The following TXNDC11 variants were observed in gnomAD, a reference collection of about 807,000 sequenced individuals.
TXNDC11 encodes thioredoxin domain containing 11.
Under a neutral mutation model 78.0 loss-of-function variants are expected in TXNDC11, and 68 were observed. The ratio of observed to expected loss-of-function variants is 0.87; its 90% confidence interval spans 0.72 to 1.07. The LOEUF is 1.07. Among genes scored for constraint, TXNDC11 ranks in the 50% least tolerant of loss-of-function variants. The pLI, the probability that TXNDC11 is intolerant of heterozygous loss-of-function variation, is 0.00. For synonymous variants in TXNDC11, 571 were observed against 495.2 expected, an observed-to-expected ratio of 1.15 and a Z score of -2.03; for missense variants, 1,389 against 1,221.8, an observed-to-expected ratio of 1.14 and a Z score of -2.04.
At chr16:11,713,398 G>T (rs1051327584) in intron 5 of TXNDC11, among the ~76,000 whole-genome samples, 8 of 152,088 alleles carry the variant, frequency 5.3e-5, no homozygotes, top group African/African-American at 1.9e-4. Flanking sequence ...TTTAGGTGTG[G>T]GGACATAAAG....
intron 1 of TXNDC11, among the ~76,000 whole-genome samples, chr16:11,737,485 AAAG>A (rs1416317509): frequency 1.3e-5 from 2 of 152,074 alleles, no homozygotes; most frequent in East Asian, 1.9e-4. Context: ...AGGAACAAGA[AAAG>A]AACAAAAGCC....
Position 11,679,694 on chromosome 16 carries a change from G to A in TXNDC11, c.2378C>T (p.Ala793Val), listed in dbSNP as rs748347024. 1.1e-5 allele frequency: 18 copies of A among 1,614,090 alleles called. No homozygotes were observed. Among genetic ancestry groups the A allele is most frequent in the East Asian group, 2.2e-5 (1 of 44,892 alleles). Residue 793 changes from alanine (A) to valine (V), a missense_variant, in exon 12 of 12, where the codon GCA (alanine) becomes GTA (valine). Ala to Val is a moderately conservative substitution (Grantham distance 64, BLOSUM62 0). Coordinates refer to ENST00000283033, the MANE Select transcript of TXNDC11 (RefSeq NM_015914.7). This position sits in a 1 kb window ranked among gnomAD's most constrained non-coding sequence, Gnocchi z 4.6. ...SPTKECLQSE[A>V]VLQRGHISHL... ...GGAGATGTGCCCCCGCTGTAAGACT[G>A]CCTCGCTCTGAAGACACTCCTTGGT...
In TXNDC11 at chr16:11,734,012, TAAAAG is replaced by T. The variant is rs762611107; in HGVS notation, c.534_538del (p.Phe178LeufsTer27). On this transcript the variant is annotated frameshift_variant, in exon 3 of 12. Coordinates refer to ENST00000283033, the MANE Select transcript of TXNDC11 (RefSeq NM_015914.7). LOFTEE classifies it high-confidence loss of function. Reference sequence around the variant, plus strand: ...ATGATACAGATATATTACAGGAAAATAAAAGAAGTGTTTCTGTTTTCTGCATTTCC... The same window carrying T: ...ATGATACAGATATATTACAGGAAAATAAGTGTTTCTGTTTTCTGCATTTCC... 1.9e-6 allele frequency: 3 copies of T among 1,607,214 alleles called. No individual in the cohort carries two copies. The highest frequency in any genetic ancestry group is 8.5e-7 in the Non-Finnish European group (1 of 1,178,550).
intron 4 of TXNDC11, among the ~76,000 whole-genome samples, chr16:11,726,139 A>C (rs1374458153): frequency 6.6e-6 from 1 of 152,096 alleles, no homozygotes; most frequent in African/African-American, 2.4e-5. Context: ...TTGGCCTCCC[A>C]AGTGCTGGGG....
At chr16:11,709,601 AT>A (rs1328780693) in intron 5 of TXNDC11, among the ~76,000 whole-genome samples, 1 of 150,858 alleles carries the variant, frequency 6.6e-6, no homozygotes, top group Non-Finnish European at 1.5e-5. Flanking sequence ...TGCCCGGCTA[AT>A]TTTTTTGTAT....
chr16:11,739,011 G>A (rs1312949839), intron 1 of TXNDC11, among the ~76,000 whole-genome samples: 4 of 151,426 alleles, frequency 2.6e-5, no homozygotes, highest in African/African-American at 9.7e-5. Context: ...TGGGAAAAAA[G>A]AGCAAAACTC....
intron 1 of TXNDC11, chr16:11,742,162 C>A (rs1488024991): frequency 2.3e-5 from 8 of 348,790 alleles, no homozygotes; most frequent in Non-Finnish European, 3.6e-5. Flanking sequence ...GGTCCTACAG[C>A]CCGGGCCGAA....
Position 11,691,391 on chromosome 16 carries a change from G to C in TXNDC11, c.1799C>G (p.Pro600Arg), listed in dbSNP as rs758746492. ...AAATTCTTTCACCTGAGTGGAGCTC[G>C]GAGCACCCAGTCTCTCTGCATATAA... ...FWLYAERLGA[P>R]SSTQVKEFAA... is the part of the protein sequence containing the mutation. Residue 600 changes from proline to arginine, a missense_variant, in exon 8 of 12, where the codon CCG becomes CGG. Physicochemically the swap from Pro to Arg is moderately radical, Grantham distance 103. Transcript: ENST00000283033. The C allele has an allele frequency of 6.2e-7, 1 of 1,614,112 alleles. No homozygotes were observed. The highest frequency in any genetic ancestry group is 1.1e-5 in the South Asian group (1 of 91,076).
chr16:11,722,293 C>G (rs2051731576), intron 4 of TXNDC11, among the ~76,000 whole-genome samples: 1 of 152,182 alleles, frequency 6.6e-6, no homozygotes, highest in South Asian at 2.1e-4. Flanking sequence ...CTGGCTCCTC[C>G]ACCCTACACA....
intron 3 of TXNDC11, among the ~76,000 whole-genome samples, chr16:11,732,802 C>G (rs537019783): frequency 6.6e-6 from 1 of 152,058 alleles, no homozygotes; most frequent in Non-Finnish European, 1.5e-5. Flanking sequence ...GACAGAGAAC[C>G]CACAAATCAC....
At chr16:11,707,539 C>T (rs1411835004) in intron 5 of TXNDC11, among the ~76,000 whole-genome samples, 1 of 151,772 alleles carries the variant, frequency 6.6e-6, no homozygotes, top group African/African-American at 2.4e-5. Context: ...ACCGCCACCT[C>T]CCAGGTTCAA....
rs940628297 is a variant in TXNDC11 at position 11,698,064 on chromosome 16, G to A, written c.1107+61C>T. The A allele has an allele frequency of 1.1e-5, 16 of 1,505,472 alleles. No individual in the cohort carries two copies. In the East Asian group the frequency reaches 1.6e-4, roughly 15 times the overall value. 93.3% of individuals were successfully genotyped at this position (1,505,472 alleles called of 1,614,324 possible). On this transcript the variant is annotated intron_variant, in intron 7 of 11. Coordinates refer to ENST00000283033, the MANE Select transcript of TXNDC11 (RefSeq NM_015914.7). The stretch of plus-strand genomic sequence containing the variant: ...TAAATGACTGAGTGTGGGATGAGAG[G>A]AGCCAGGTAGATGAGGCTTTCCTAC...
At chr16:11,687,111 CCT>C (rs1447167434) in intron 10 of TXNDC11, among the ~76,000 whole-genome samples, 1 of 152,106 alleles carries the variant, frequency 6.6e-6, no homozygotes, top group African/African-American at 2.4e-5. Context: ...GTCTGCTTTC[CCT>C]GTTTTCACTG....
At chr16:11,696,444 C>G (rs1030796959) in intron 7 of TXNDC11, among the ~76,000 whole-genome samples, 1 of 152,024 alleles carries the variant, frequency 6.6e-6, no homozygotes, top group Non-Finnish European at 1.5e-5. Context: ...CTGTACTGGA[C>G]AAGCCTCTAA....
intron 11 of TXNDC11, among the ~76,000 whole-genome samples, chr16:11,682,773 CTCAG>C (rs1191837249): frequency 5.3e-5 from 8 of 152,172 alleles, no homozygotes; most frequent in Non-Finnish European, 1.0e-4. Context: ...CTCATCACAA[CTCAG>C]TCAGCAGTAG....
At chr16:11,718,944 T>C (rs1047673218) in intron 5 of TXNDC11, among the ~76,000 whole-genome samples, 3 of 152,204 alleles carry the variant, frequency 2.0e-5, no homozygotes, top group African/African-American at 7.2e-5. Flanking sequence ...CTTTCAACCT[T>C]ATTTTATATC....
At chr16:11,697,687 G>C (rs1189708014) in intron 7 of TXNDC11, among the ~76,000 whole-genome samples, 1 of 152,202 alleles carries the variant, frequency 6.6e-6, no homozygotes, top group Non-Finnish European at 1.5e-5. Flanking sequence ...CTCCTCTGCT[G>C]TCCTGAGGAT....
intron 5 of TXNDC11, among the ~76,000 whole-genome samples, chr16:11,702,644 C>G (rs1411928160): frequency 6.6e-6 from 1 of 152,206 alleles, no homozygotes; most frequent in Non-Finnish European, 1.5e-5. Context: ...TGCCACTGCA[C>G]TCTAGCCTGG....
rs150750720 is a variant in TXNDC11, at chr16:11,705,884, G to A, written c.794-5320C>T. Among the ~76,000 whole-genome samples, 920 of 152,274 alleles carry A rather than the reference G, an allele frequency of 6.0e-3. 13 individuals are homozygous for A. The highest frequency in any genetic ancestry group is 0.02 in the African/African-American group (835 of 41,518). On this transcript the variant is annotated intron_variant, in intron 5 of 11. Transcript: ENST00000283033. ...TAAAGATGACACAAAAAACCAGCAT[G>A]TCACATCTCCTTATCCAGAGTGTTT...
Sources: allele counts gnomAD v4.1 joint callset (sites outside exome capture counted in the v4.1 genomes callset), GRCh38; gene constraint gnomAD v4.1.1; non-coding constraint Gnocchi (gnomAD v3.1); transcripts MANE v1.5; gene names NCBI Gene and HGNC (gene_info 2026-07-23, HGNC 2026-07-21).